The following ASTN2 variants were observed in gnomAD, a reference collection of about 807,000 sequenced individuals.
The protein encoded by ASTN2 is astrotactin-2.
Under a neutral mutation model 139.8 loss-of-function variants are expected in ASTN2, and 54 were observed. The ratio of observed to expected loss-of-function variants is 0.39; its 90% CI spans 0.31 to 0.48. ASTN2 has a LOEUF of 0.48. ASTN2 is among the 20% of genes least tolerant of loss of function. The pLI, the probability that ASTN2 is intolerant of heterozygous loss-of-function variation, is 0.95. For synonymous variants in ASTN2, 756 were observed against 719.5 expected (o/e 1.05, Z -0.81); for missense variants, 1,565 against 1,725.1 (o/e 0.91, Z 1.64).
chr9:116,893,545 C>T (rs949084643), intron 10 of ASTN2, among the ~76,000 whole-genome samples: 1 of 152,106 alleles, frequency 6.6e-6, no homozygotes, highest in African/African-American at 2.4e-5. Flanking sequence ...CAGTTGTAAA[C>T]CGAGATGCTA....
intron 14 of ASTN2, among the ~76,000 whole-genome samples, chr9:116,731,328 G>A (rs926402123): frequency 1.3e-5 from 2 of 151,996 alleles, no homozygotes; most frequent in Non-Finnish European, 2.9e-5. Flanking sequence ...GATACCCATA[G>A]TGTGCCAAGC....
intron 4 of ASTN2, among the ~76,000 whole-genome samples, chr9:117,105,516 CT>C (rs1354514440): frequency 6.6e-6 from 1 of 152,162 alleles, no homozygotes; most frequent in Non-Finnish European, 1.5e-5. Context: ...AAGTCCAGTC[CT>C]TGTGGAACTG....
At chr9:117,179,718 G>A (rs2132943007) in intron 3 of ASTN2, among the ~76,000 whole-genome samples, 1 of 152,088 alleles carries the variant, frequency 6.6e-6, no homozygotes, top group Middle Eastern at 3.4e-3. Flanking sequence ...CAGGACTGCT[G>A]GGCCTAAAGG....
chr9:117,282,857 A>G (rs546019951), intron 2 of ASTN2, among the ~76,000 whole-genome samples: 1 of 135,384 alleles, frequency 7.4e-6, no homozygotes, highest in South Asian at 2.1e-4. Context: ...CCAAGGCACT[A>G]TGATTTAGAG....
intron 4 of ASTN2, among the ~76,000 whole-genome samples, chr9:117,129,201 C>T (rs999830956): frequency 6.6e-5 from 10 of 152,202 alleles, no homozygotes; most frequent in African/African-American, 2.2e-4. Context: ...AATACCACTT[C>T]TTTGCATTGA....
chr9:117,173,840 TATG>T (rs1277229207), intron 3 of ASTN2, among the ~76,000 whole-genome samples: 3 of 151,544 alleles, frequency 2.0e-5, no homozygotes, highest in East Asian at 1.9e-4. Flanking sequence ...ATAAAGAAAA[TATG>T]ATAAAAATTA....
chr9:116,632,365 T>TA (rs1215732021), intron 17 of ASTN2, among the ~76,000 whole-genome samples: 1 of 151,864 alleles, frequency 6.6e-6, no homozygotes, highest in Non-Finnish European at 1.5e-5. Flanking sequence ...CTCAGCACTT[T>TA]AAGAGGATTG....
chr9:117,121,937 C>T (rs564344354), intron 4 of ASTN2, among the ~76,000 whole-genome samples: 24 of 152,280 alleles, frequency 1.6e-4, no homozygotes, highest in Middle Eastern at 3.4e-3. Context: ...GGGGGAAATC[C>T]GCCCCCAAGA....
At chr9:117,071,613 G>A (rs963364902) in intron 5 of ASTN2, among the ~76,000 whole-genome samples, 1 of 149,718 alleles carries the variant, frequency 6.7e-6, no homozygotes, top group South Asian at 2.2e-4. Context: ...CCCCAGCCTC[G>A]CTGCCGCCTT....
At chr9:117,393,385 T>C (rs1830592505) in intron 1 of ASTN2, among the ~76,000 whole-genome samples, 1 of 149,386 alleles carries the variant, frequency 6.7e-6, no homozygotes, top group Non-Finnish European at 1.5e-5. Flanking sequence ...CACACACAGA[T>C]GTAGAGAAAG....
At chr9:116,750,823 G>A (rs947085500) in intron 13 of ASTN2, among the ~76,000 whole-genome samples, 10 of 152,166 alleles carry the variant, frequency 6.6e-5, no homozygotes, top group African/African-American at 2.2e-4. Context: ...CAGGACAGCT[G>A]GAAATTATTG....
At chr9:117,093,410 C>T (rs59746231) in intron 5 of ASTN2, among the ~76,000 whole-genome samples, 1,815 of 152,234 alleles carry the variant, frequency 0.012, 42 homozygotes, top group African/African-American at 0.041. Context: ...TGCACAGAGA[C>T]GTTAAGTTCC....
At chr9:116,921,298 G>T (rs1834596958) in intron 10 of ASTN2, among the ~76,000 whole-genome samples, 1 of 152,158 alleles carries the variant, frequency 6.6e-6, no homozygotes, top group Non-Finnish European at 1.5e-5. Context: ...CTGCTATAAA[G>T]AACTACCTGG....
intron 6 of ASTN2, among the ~76,000 whole-genome samples, chr9:117,017,704 CA>C (rs1837756153): frequency 6.6e-6 from 1 of 152,058 alleles, no homozygotes; most frequent in Non-Finnish European, 1.5e-5. Flanking sequence ...ATTGTAGGGA[CA>C]AAATGTACAT....
Position 116,786,128 on chromosome 9 carries a change from G to T in ASTN2, c.2396+19504C>A, listed in dbSNP as rs539194542. 3.3e-5 allele frequency among the ~76,000 whole-genome samples: 5 copies of T among 152,152 alleles called. No homozygotes were observed. In the East Asian group the frequency reaches 9.7e-4, roughly 29 times the overall value. ...GAAAATGCCAAGGGTCTTTGAACTCGGTGTGCCTTCTACCTGGAAGCTGTT... is the reference window on the plus strand; with the variant it reads ...GAAAATGCCAAGGGTCTTTGAACTCTGTGTGCCTTCTACCTGGAAGCTGTT... On this transcript the variant is annotated intron_variant, in intron 13 of 22. Transcript: ENST00000313400.
intron 19 of ASTN2, among the ~76,000 whole-genome samples, chr9:116,526,598 G>A (rs1851100742): frequency 6.8e-6 from 1 of 146,062 alleles, no homozygotes; most frequent in African/African-American, 2.6e-5. Context: ...CTCCAGCCTG[G>A]GCAAAAGAGA....
intron 19 of ASTN2, among the ~76,000 whole-genome samples, chr9:116,565,388 C>CTCTCTCTCTCTCTCTAT (rs1564120372): frequency 8.8e-5 from 3 of 34,018 alleles, no homozygotes; most frequent in Non-Finnish European, 1.5e-4. Flanking sequence ...TCTCTCTCTC[C>CTCTCTCTCTCTCTCTAT]ATATATATAT....
At chr9:116,605,211 G>A (rs1232644193) in intron 19 of ASTN2, among the ~76,000 whole-genome samples, 1 of 152,096 alleles carries the variant, frequency 6.6e-6, no homozygotes, top group African/African-American at 2.4e-5. Flanking sequence ...ATACTGATCG[G>A]GGGGGAGAGG....
At chr9:117,156,485 A>G (rs778174218) in intron 3 of ASTN2, among the ~76,000 whole-genome samples, 53 of 152,002 alleles carry the variant, frequency 3.5e-4, no homozygotes, top group Non-Finnish European at 6.6e-4. Flanking sequence ...CCTGGCCTCT[A>G]TCCATTAGAC....
Sources: gnomAD v4.1 joint callset for allele counts (sites outside exome capture counted in the v4.1 genomes callset) on GRCh38, gnomAD v4.1.1 for gene constraint, MANE v1.5 for transcripts, NCBI Gene and HGNC (gene_info 2026-07-23, HGNC 2026-07-21) for gene names.